The following OARD1 variants were observed in gnomAD, a reference collection of about 807,000 sequenced individuals.
OARD1 encodes O-acyl-ADP-ribose deacylase 1.
Under a neutral mutation model 19.7 loss-of-function variants are expected in OARD1, and 19 were observed. The observed-to-expected ratio is 0.96, with a 90% CI of 0.67 to 1.41. OARD1 has a LOEUF of 1.41. OARD1 is among the 40% of genes most tolerant of loss of function. The pLI is 0.00. For missense variants in OARD1, 190 were observed against 183.8 expected (o/e 1.03, Z -0.20); for synonymous variants, 70 against 61.8 (o/e 1.13, Z -0.62).
intron 1 of OARD1, among the ~76,000 whole-genome samples, chr6:41,082,412 G>A (rs1763934537): frequency 2.0e-5 from 3 of 152,170 alleles, no homozygotes; most frequent in South Asian, 2.1e-4. Flanking sequence ...GCTCTTAACT[G>A]TATGGCTTCT....
chr6:41,092,965 A>G, intron 1 of OARD1: 2 of 1,614,078 alleles, frequency 1.2e-6, no homozygotes, highest in Non-Finnish European at 1.7e-6. Context: ...CTCTACCTGG[A>G]GCAGAGATGC....
Position 41,067,226 on chromosome 6 carries a change from T to C in OARD1, c.*109A>G, listed in dbSNP as rs1269964775. The stretch of plus-strand genomic sequence containing the variant: ...CCAAAGTCTGTCTTGTTAAACACAC[T>C]ACTTCTCATGAAACTTTCCTCTGCC... On this transcript the variant is annotated 3_prime_UTR_variant, in exon 6 of 6. Coordinates refer to ENST00000424266, the MANE Select transcript of OARD1 (RefSeq NM_001329686.2). The C allele has an allele frequency of 1.6e-6, 1 of 610,660 alleles. No individual in the cohort carries two copies. Among genetic ancestry groups the C allele is most frequent in the Non-Finnish European group, 3.0e-6 (1 of 335,848 alleles). The allele number at this position is 610,660 out of a possible 1,614,324, so 37.8% of individuals were successfully genotyped here.
At chr6:41,073,287 C>T (rs1209287337), upstream of OARD1, among the ~76,000 whole-genome samples, 1 of 151,652 alleles carries the variant, frequency 6.6e-6, no homozygotes, top group Non-Finnish European at 1.5e-5. Context: ...CTGCAGGGGC[C>T]GCCCCGCGCG....
At chr6:41,069,213 A>C (rs1763192614) in intron 4 of OARD1, 1 of 285,228 alleles carries the variant, frequency 3.5e-6, no homozygotes, top group East Asian at 7.1e-5. Context: ...TGAGATTAGC[A>C]GATGATGCCT....
Position 41,071,129 on chromosome 6 carries a change from C to T in OARD1, c.184+3G>A. ...AACCAGGTAAGTGGTTTCCAAAACT[C>T]ACGTTGATTTAAAAGTTCTTGCACC... is the stretch of plus-strand genomic sequence containing the variant. On this transcript the variant is annotated splice_donor_region_variant and intron_variant, in intron 3 of 5. Coordinates refer to ENST00000424266, the MANE Select transcript of OARD1 (RefSeq NM_001329686.2). 1 of 1,614,194 alleles carries T rather than the reference C, an allele frequency of 6.2e-7. No homozygotes were observed.
At chr6:41,083,857 G>A (rs1211990944) in intron 1 of OARD1, among the ~76,000 whole-genome samples, 1 of 152,200 alleles carries the variant, frequency 6.6e-6, no homozygotes, top group Non-Finnish European at 1.5e-5. Flanking sequence ...AAAGTATTGA[G>A]CTTGGCATTT....
At chr6:41,091,465 T>G in intron 1 of OARD1, 1 of 1,525,806 alleles carries the variant, frequency 6.6e-7, no homozygotes, top group Non-Finnish European at 9.0e-7. Context: ...GGACTAACTA[T>G]GTTCCCTTCT....
upstream of OARD1, chr6:41,072,940 G>A (rs923036721): frequency 6.5e-6 from 1 of 153,944 alleles, no homozygotes; most frequent in Non-Finnish European, 1.5e-5. Context: ...GTTGGAGGGA[G>A]GCCCGATTCC....
At chr6:41,080,976 C>A in intron 1 of OARD1, 1 of 1,175,084 alleles carries the variant, frequency 8.5e-7, no homozygotes, top group Non-Finnish European at 1.3e-6. Flanking sequence ...GTGTTAGGAT[C>A]TCCAGTAGGA....
chr6:41,092,838 G>T, intron 1 of OARD1: 1 of 1,480,322 alleles, frequency 6.8e-7, no homozygotes, highest in Non-Finnish European at 9.1e-7. Flanking sequence ...AAAAATGGAT[G>T]AAGAGGAACC....
chr6:41,095,039 A>G (rs924298814), intron 1 of OARD1, among the ~76,000 whole-genome samples: 11 of 152,172 alleles, frequency 7.2e-5, no homozygotes, highest in African/African-American at 2.2e-4. Context: ...TTAGATTTAT[A>G]AAATAGCTGC....
intron 1 of OARD1, chr6:41,090,113 CA>C: frequency 2.3e-6 from 2 of 884,956 alleles, no homozygotes; most frequent in Non-Finnish European, 3.5e-6. Flanking sequence ...GACTCTGTCT[CA>C]AAAAAATAAT....
intron 1 of OARD1, among the ~76,000 whole-genome samples, chr6:41,094,235 G>A (rs558117352): frequency 6.6e-6 from 1 of 152,176 alleles, no homozygotes; most frequent in South Asian, 2.1e-4. Flanking sequence ...TTACTTACTA[G>A]GTGTTTTCTC....
At chr6:41,096,185 A>G (rs1208740173) in intron 1 of OARD1, among the ~76,000 whole-genome samples, 1 of 152,318 alleles carries the variant, frequency 6.6e-6, no homozygotes, top group Middle Eastern at 3.4e-3. Context: ...TCTGTATAAC[A>G]TCTAAGCAAC....
intron 1 of OARD1, chr6:41,089,430 T>G: frequency 1.4e-6 from 1 of 716,234 alleles, no homozygotes; most frequent in Non-Finnish European, 2.1e-6. Context: ...AAATAAGTTG[T>G]GTCTACTTCA....
chr6:41,091,746 A>G (rs1381110972), intron 1 of OARD1: 23 of 1,589,520 alleles, frequency 1.4e-5, no homozygotes, highest in Non-Finnish European at 1.5e-5. Flanking sequence ...TGAACATGCA[A>G]CTTGATGCCT....
rs535626475 is a variant in OARD1 at position 41,092,659 on chromosome 6, G to A, written c.-42+5054C>T. ...GCAGAAATATCTAGAGCCATGGGTGGACATGAATTAGGGCATGGTTATATA... is the reference window on the plus strand; with the variant it reads ...GCAGAAATATCTAGAGCCATGGGTGAACATGAATTAGGGCATGGTTATATA... On this transcript the variant is annotated intron_variant, in intron 1 of 4. Transcript: ENST00000480585. Among the ~76,000 whole-genome samples the A allele has an allele frequency of 2.6e-5, 4 of 152,212 alleles. No individual in the cohort carries two copies. In the South Asian group the frequency reaches 8.3e-4, roughly 32 times the overall value.
Position 41,068,919 on chromosome 6 carries a change from T to C in OARD1, c.278A>G (p.Tyr93Cys), listed in dbSNP as rs1171099423. 1.2e-6 allele frequency: 2 copies of C among 1,609,978 alleles called. No homozygotes were observed. Among genetic ancestry groups the C allele is most frequent in the Non-Finnish European group, 1.7e-6 (2 of 1,177,828 alleles). The change falls in exon 5 of 6, where the codon TAT (tyrosine) becomes TGT (cysteine). Residue 93 changes from tyrosine (Y) to cysteine (C), a missense_variant. Physicochemically the swap from Tyr to Cys is radical, Grantham distance 194. Coordinates refer to ENST00000424266, the MANE Select transcript of OARD1 (RefSeq NM_001329686.2). ...TKKRASHKPT[Y>C]ENLQKSLEAM... ...CTCTAAACTCTTCTGTAAGTTTTCATAAGTTGGCTTGTGCGAAGCCCTTTT... is the reference window on the plus strand; with the variant it reads ...CTCTAAACTCTTCTGTAAGTTTTCACAAGTTGGCTTGTGCGAAGCCCTTTT...
At chr6:41,095,168 C>T (rs942783334) in intron 1 of OARD1, among the ~76,000 whole-genome samples, 1 of 152,148 alleles carries the variant, frequency 6.6e-6, no homozygotes, top group Admixed American at 6.5e-5. Context: ...CTCCTTCAAC[C>T]CCTACCCTTT....
Sources: gnomAD v4.1 joint callset for allele counts (sites outside exome capture counted in the v4.1 genomes callset) on GRCh38, gnomAD v4.1.1 for gene constraint, MANE v1.5 for transcripts, NCBI Gene and HGNC (gene_info 2026-07-23, HGNC 2026-07-21) for gene names.